Variants in CDH18 observed in about 807,000 individuals in gnomAD.
CDH18 encodes the protein cadherin 18, also known as cadherin-18.
CDH18 carries 31 observed loss-of-function variants against 67.9 expected under a neutral mutation model. The observed-to-expected ratio is 0.46, with a 90% CI of 0.34 to 0.62. The LOEUF (loss-of-function observed/expected upper bound fraction) is 0.62. Among genes scored for constraint, CDH18 ranks in the 20% least tolerant of loss-of-function variants. The probability of loss-of-function intolerance (pLI) is 0.01; values close to 1 mark genes in which losing one functional copy is unlikely to be tolerated. For missense variants in CDH18, 890 were observed against 975.5 expected, an observed-to-expected ratio of 0.91 and a Z score of 1.17; for synonymous variants, 362 against 347.2, an observed-to-expected ratio of 1.04 and a Z score of -0.48.
intron 1 of CDH18, among the ~76,000 whole-genome samples, chr5:20,385,186 T>C (rs1425218498): frequency 6.6e-6 from 1 of 152,126 alleles, no homozygotes; most frequent in East Asian, 1.9e-4. Context: ...AAAAATTGTT[T>C]AGATTGCATT....
chr5:19,485,806 T>C (rs1740304095), intron 11 of CDH18, among the ~76,000 whole-genome samples: 1 of 152,182 alleles, frequency 6.6e-6, no homozygotes, highest in Non-Finnish European at 1.5e-5. Flanking sequence ...GAAAAAGAGA[T>C]GTGAGACACT....
chr5:20,402,166 A>G (rs544112534), intron 1 of CDH18, among the ~76,000 whole-genome samples: 3 of 152,144 alleles, frequency 2.0e-5, no homozygotes, highest in Non-Finnish European at 4.4e-5. Context: ...TCAGCTCTCT[A>G]CATGTAACCT....
intron 8 of CDH18, among the ~76,000 whole-genome samples, chr5:19,544,820 C>A (rs1461115269): frequency 6.6e-6 from 1 of 152,032 alleles, no homozygotes; most frequent in African/African-American, 2.4e-5. Flanking sequence ...GCAAAGTTGT[C>A]CCAATTAAGG....
intron 2 of CDH18, among the ~76,000 whole-genome samples, chr5:20,152,173 A>G (rs1421783892): frequency 7.4e-6 from 1 of 135,692 alleles, no homozygotes; most frequent in Non-Finnish European, 1.6e-5. Flanking sequence ...TATATAAAAT[A>G]CATATAATTA....
At chr5:19,931,117 T>G (rs1793644281) in intron 2 of CDH18, among the ~76,000 whole-genome samples, 1 of 151,950 alleles carries the variant, frequency 6.6e-6, no homozygotes, top group African/African-American at 2.4e-5. Context: ...TTTAAAAAAA[T>G]TACATCACTA....
chr5:20,098,013 G>C (rs1261533582), intron 2 of CDH18, among the ~76,000 whole-genome samples: 1 of 151,804 alleles, frequency 6.6e-6, no homozygotes, highest in Non-Finnish European at 1.5e-5. Context: ...CTGTGCCAAT[G>C]TTTTAATTGT....
chr5:19,544,837 A>T (rs1736040820), intron 8 of CDH18, among the ~76,000 whole-genome samples: 1 of 152,156 alleles, frequency 6.6e-6, no homozygotes. Context: ...AAGGTTCCCA[A>T]CCTAGCGTAG....
chr5:20,526,796 C>T (rs541065785), intron 1 of CDH18, among the ~76,000 whole-genome samples: 18 of 152,110 alleles, frequency 1.2e-4, no homozygotes, highest in Admixed American at 5.9e-4. Flanking sequence ...TCCACAAAGA[C>T]GAGGAAAAAA....
chr5:20,492,372 GTTAT>G (rs1414047591), intron 1 of CDH18, among the ~76,000 whole-genome samples: 1 of 152,022 alleles, frequency 6.6e-6, no homozygotes, highest in East Asian at 1.9e-4. Context: ...TAAATTTGCA[GTTAT>G]TTCTTTCATT....
At chr5:19,834,854 G>T (rs1321461546) in intron 3 of CDH18, among the ~76,000 whole-genome samples, 1 of 150,366 alleles carries the variant, frequency 6.7e-6, no homozygotes, top group Non-Finnish European at 1.5e-5. Context: ...TAAATTCTGA[G>T]TTCTAATTTG....
intron 2 of CDH18, among the ~76,000 whole-genome samples, chr5:20,213,069 A>T (rs1310143557): frequency 1.3e-5 from 2 of 152,172 alleles, no homozygotes; most frequent in Non-Finnish European, 2.9e-5. Flanking sequence ...CATGTGTGTG[A>T]TTAAGCTCAT....
chr5:20,483,672 T>A (rs1241542965), intron 1 of CDH18, among the ~76,000 whole-genome samples: 1 of 149,922 alleles, frequency 6.7e-6, no homozygotes, highest in Admixed American at 6.6e-5. Flanking sequence ...AAAACATACA[T>A]TGGGAAAAGG....
chr5:19,943,348 G>C (rs1183572052), intron 2 of CDH18, among the ~76,000 whole-genome samples: 1 of 152,124 alleles, frequency 6.6e-6, no homozygotes. Context: ...AAGTAATTCA[G>C]TTCTCAAAGT....
At chr5:20,066,277 C>T (rs2150517013) in intron 2 of CDH18, among the ~76,000 whole-genome samples, 1 of 152,146 alleles carries the variant, frequency 6.6e-6, no homozygotes, top group East Asian at 1.9e-4. Context: ...TCTCTCCCAC[C>T]ATCCCCAGTG....
At chr5:19,762,725 T>G (rs1029454394) in intron 3 of CDH18, among the ~76,000 whole-genome samples, 52 of 152,106 alleles carry the variant, frequency 3.4e-4, no homozygotes, top group Non-Finnish European at 1.5e-4. Context: ...AAATACCACA[T>G]GACCCAGTGA....
intron 2 of CDH18, among the ~76,000 whole-genome samples, chr5:19,929,678 T>C (rs1422450241): frequency 2.0e-5 from 3 of 152,078 alleles, no homozygotes; most frequent in Admixed American, 2.0e-4. Context: ...TTGCAAGGAC[T>C]TTAAACACAA....
chr5:19,625,610 C>T (rs1426356133), intron 5 of CDH18, among the ~76,000 whole-genome samples: 2 of 152,148 alleles, frequency 1.3e-5, no homozygotes, highest in Admixed American at 6.5e-5. Flanking sequence ...TTTTCCTACT[C>T]ACGTGGACTT....
At chr5:19,678,563 T>C (rs1258271142) in intron 5 of CDH18, among the ~76,000 whole-genome samples, 3 of 151,604 alleles carry the variant, frequency 2.0e-5, no homozygotes, top group Non-Finnish European at 2.9e-5. Flanking sequence ...ACTGTCACAC[T>C]TAGAGAAACC....
intron 1 of CDH18, among the ~76,000 whole-genome samples, chr5:20,356,162 C>A (rs966079737): frequency 6.6e-6 from 1 of 152,088 alleles, no homozygotes; most frequent in Non-Finnish European, 1.5e-5. Flanking sequence ...GTGGGCGGAT[C>A]ACCTGAGGTC....
Sources: gnomAD v4.1 joint callset for allele counts (sites outside exome capture counted in the v4.1 genomes callset) on GRCh38, gnomAD v4.1.1 for gene constraint, MANE v1.5 for transcripts, NCBI Gene and HGNC (gene_info 2026-07-23, HGNC 2026-07-21) for gene names.